The following ETS2 variants were observed in gnomAD, a reference collection of about 807,000 sequenced individuals.
ETS2 encodes the protein protein C-ets-2.
A neutral mutation model predicts 54.9 loss-of-function variants in ETS2; 19 were observed. The ratio of observed to expected loss-of-function variants is 0.35; its 90% CI spans 0.24 to 0.51. ETS2 has a LOEUF of 0.51. Ranked by LOEUF, ETS2 falls within the 20% of genes least tolerant of loss-of-function variation. The probability of loss-of-function intolerance (pLI) is 0.97; values close to 1 mark genes in which losing one functional copy is unlikely to be tolerated. For synonymous variants in ETS2, 219 were observed against 229.3 expected (o/e 0.95, Z 0.41); for missense variants, 417 against 593.0 (o/e 0.70, Z 3.08).
At chr21:38,817,723 G>A (rs760407972) in intron 6 of ETS2, among the ~76,000 whole-genome samples, 46 of 152,198 alleles carry the variant, frequency 3.0e-4, no homozygotes, top group Non-Finnish European at 6.5e-4. Context: ...GAGGGCACAG[G>A]GTCTGGCCAG....
At chr21:38,812,957 C>T in intron 2 of ETS2, 46 bp from the exon 3 acceptor site, 1 of 1,292,752 alleles carries the variant, frequency 7.7e-7, no homozygotes, top group South Asian at 1.2e-5. Flanking sequence ...GTAATTCAAT[C>T]AGTTTAAATA....
chr21:38,807,907 G>A (rs913382114), intron 1 of ETS2, among the ~76,000 whole-genome samples: 6 of 152,188 alleles, frequency 3.9e-5, no homozygotes, highest in Admixed American at 2.6e-4. Context: ...TCTGTTTGAG[G>A]CTTGTTTATT....
chr21:38,822,990 A>G lies in ETS2; in HGVS notation c.*101A>G. ...GGACCCAGGAAAGGCAGGATTGAAA[A>G]TGTCCAGGAAAGTGGCCAAGAAGCA... On this transcript the variant is annotated 3_prime_UTR_variant, in exon 10 of 10. Transcript: ENST00000360938. The G allele has an allele frequency of 1.0e-6, 1 of 989,654 alleles. No individual in the cohort carries two copies. 61.3% of individuals were successfully genotyped at this position (989,654 alleles called of 1,614,324 possible).
upstream of ETS2, chr21:38,805,617 G>T (rs1280735902): frequency 3.2e-6 from 4 of 1,251,632 alleles, no homozygotes; most frequent in Admixed American, 2.5e-5. The surrounding 1 kb of genome is among the most constrained non-coding windows in gnomAD (Gnocchi z 5.2). Context: ...CGGAGGGAAG[G>T]TTGGGCCGGA....
chr21:38,809,983 T>A, intron 1 of ETS2, 52 bp from the exon 2 acceptor site: 6 of 1,210,554 alleles, frequency 5.0e-6, no homozygotes, highest in Non-Finnish European at 7.0e-6. Flanking sequence ...CAATGATGAG[T>A]TTAGTGTACT....
intron 6 of ETS2, 83 bp downstream of exon 6, chr21:38,817,174 AG>A (rs35049775): frequency 1.1e-6 from 1 of 876,094 alleles, no homozygotes; most frequent in Non-Finnish European, 1.9e-6. Context: ...TAGGCTCCTA[AG>A]GGGCCACCTA....
intron 1 of ETS2, among the ~76,000 whole-genome samples, chr21:38,807,583 G>A (rs187165664): frequency 6.6e-6 from 1 of 152,294 alleles, no homozygotes; most frequent in Admixed American, 6.5e-5. Context: ...AAACCATTTA[G>A]TAGAGCACTT....
chr21:38,818,967 G>A (rs1358114004), intron 7 of ETS2, among the ~76,000 whole-genome samples: 2 of 152,182 alleles, frequency 1.3e-5, no homozygotes, highest in Non-Finnish European at 2.9e-5. Flanking sequence ...ACAAGTCTCA[G>A]GTCATGTGGC....
intron 1 of ETS2, among the ~76,000 whole-genome samples, chr21:38,808,187 G>T (rs971585371): frequency 6.6e-6 from 1 of 152,188 alleles, no homozygotes; most frequent in African/African-American, 2.4e-5. Context: ...ATCCTGGGCA[G>T]ATTGTCCATG....
upstream of ETS2, chr21:38,805,483 G>A (rs1419893410): frequency 7.8e-6 from 10 of 1,288,158 alleles, no homozygotes; most frequent in Non-Finnish European, 1.0e-5. The surrounding 1 kb of genome is among the most constrained non-coding windows in gnomAD (Gnocchi z 5.2). Context: ...AGGACGCCGA[G>A]CGCTCCACGG....
chr21:38,806,882 C>CT lies in ETS2; in HGVS notation c.-1+766dup, dbSNP rs891784548. The CT allele has an allele frequency of 5.3e-5, 51 of 968,220 alleles. No individual in the cohort carries two copies. Among genetic ancestry groups the CT allele is most frequent in the African/African-American group, 7.0e-5 (4 of 56,848 alleles). 60.0% of individuals were successfully genotyped at this position (968,220 alleles called of 1,614,324 possible). On this transcript the variant is annotated intron_variant, in intron 1 of 9. Coordinates refer to ENST00000360938, the MANE Select transcript of ETS2 (RefSeq NM_005239.6). This position sits in a 1 kb window ranked among gnomAD's most constrained non-coding sequence, Gnocchi z 4.3. Reference sequence around the variant, plus strand: ...TATTTTATTTTTTACGGCAGGAGACCTTTTATGTTAGCCTGTACACAATTT... The same window carrying CT: ...TATTTTATTTTTTACGGCAGGAGACCTTTTTATGTTAGCCTGTACACAATTT...
chr21:38,814,894 T>C lies in ETS2; in HGVS notation c.418T>C (p.Cys140Arg). The C allele has an allele frequency of 6.2e-7, 1 of 1,614,210 alleles. No homozygotes were observed. Among genetic ancestry groups the C allele is most frequent in the Non-Finnish European group, 8.5e-7 (1 of 1,180,042 alleles). The part of the protein sequence containing the change: ...QRFGMNGQML[C>R]NLGKERFLEL... ...GTTCGGCATGAATGGCCAGATGCTG[T>C]GTAACCTTGGCAAGGAACGCTTTCT... Residue 140 changes from cysteine to arginine, a missense_variant, in exon 5 of 10, where the codon TGT becomes CGT. Cys to Arg is a radical substitution (Grantham distance 180). Transcript: ENST00000360938. This position sits in a 1 kb window ranked among gnomAD's most constrained non-coding sequence, Gnocchi z 4.2.
chr21:38,819,825 C>T (rs2060950797), intron 8 of ETS2, 59 bp downstream of exon 8: 1 of 1,527,054 alleles, frequency 6.5e-7, no homozygotes, highest in Non-Finnish European at 8.8e-7. Context: ...TCCCTTGCTT[C>T]CTTTCGAGCC....
At chr21:38,811,769 GTTTAAC>G (rs2060914820) in intron 2 of ETS2, among the ~76,000 whole-genome samples, 1 of 152,180 alleles carries the variant, frequency 6.6e-6, no homozygotes, top group African/African-American at 2.4e-5. Context: ...AGATAGTTTA[GTTTAAC>G]TTTAAACCTA....
chr21:38,806,028 G>T lies in ETS2; in HGVS notation c.-93G>T, dbSNP rs2060890966. 8.1e-7 allele frequency: 1 copy of T among 1,230,122 alleles called. No homozygotes were observed. Among genetic ancestry groups the T allele is most frequent in the Non-Finnish European group, 1.0e-6 (1 of 963,892 alleles). 76.2% of individuals were successfully genotyped at this position (1,230,122 alleles called of 1,614,324 possible). A position where few individuals can be genotyped will look rare whatever the true frequency, so the allele number is the denominator to read the frequency against. ...CGGCCTCCCTGATCGTCTCTGGCCGGCGCCCTCGCCCTCGCCCGGCGCGCA... is the reference window on the plus strand; with the variant it reads ...CGGCCTCCCTGATCGTCTCTGGCCGTCGCCCTCGCCCTCGCCCGGCGCGCA... On this transcript the variant is annotated 5_prime_UTR_variant, in exon 1 of 10. Transcript: ENST00000360938. The surrounding 1 kb of genome is among the most constrained non-coding windows in gnomAD (Gnocchi z 4.3).
At chr21:38,815,679 C>T (rs2060930122) in intron 5 of ETS2, among the ~76,000 whole-genome samples, 1 of 151,426 alleles carries the variant, frequency 6.6e-6, no homozygotes, top group Admixed American at 6.6e-5. Context: ...ACCTGTAATC[C>T]CAGCACTTTG....
chr21:38,805,900 TGAAGA>T, upstream of ETS2: 1 of 1,232,484 alleles, frequency 8.1e-7, no homozygotes, highest in Non-Finnish European at 1.0e-6. This position sits in a 1 kb window ranked among gnomAD's most constrained non-coding sequence, Gnocchi z 5.2. Flanking sequence ...CTCCCGCTCC[TGAAGA>T]GCGCGCCGCG....
Position 38,814,709 on chromosome 21 carries a change from G to A in ETS2, c.305-72G>A, listed in dbSNP as rs1397088387. ...TGTCGGTACTTGGTGCATAAATTAG[G>A]GATGACAGTGGTCTCACTACCTTTC... On this transcript the variant is annotated intron_variant, in intron 4 of 9. Transcript: ENST00000360938. The surrounding 1 kb of genome is among the most constrained non-coding windows in gnomAD (Gnocchi z 4.2). 1 of 1,338,664 alleles carries A rather than the reference G, an allele frequency of 7.5e-7. No homozygotes were observed. The highest frequency in any genetic ancestry group is 1.1e-6 in the Non-Finnish European group (1 of 939,348). The allele number at this position is 1,338,664 out of a possible 1,614,324, so 82.9% of individuals were successfully genotyped here.
At chr21:38,812,831 T>G (rs552745367) in intron 2 of ETS2, among the ~76,000 whole-genome samples, 172 bp from the exon 3 acceptor site, 1 of 152,334 alleles carries the variant, frequency 6.6e-6, no homozygotes, top group South Asian at 2.1e-4. Flanking sequence ...TCAGTCACTT[T>G]GACCATTTTA....
Sources: gnomAD v4.1 joint callset for allele counts (sites outside exome capture counted in the v4.1 genomes callset) on GRCh38, gnomAD v4.1.1 for gene constraint, Gnocchi (gnomAD v3.1) non-coding constraint, MANE v1.5 for transcripts, NCBI Gene and HGNC (gene_info 2026-07-23, HGNC 2026-07-21) for gene names.